Variants in BCAS3 observed in about 807,000 individuals in gnomAD.
BCAS3 encodes the protein BCAS4/BCAS3 fusion.
Under a neutral mutation model 116.1 loss-of-function variants are expected in BCAS3, and 53 were observed. The ratio of observed to expected loss-of-function variants is 0.46; its 90% CI spans 0.37 to 0.57. The LOEUF (loss-of-function observed/expected upper bound fraction) is 0.57, where lower values mean the gene tolerates loss of function less well. Ranked by LOEUF, BCAS3 falls within the 20% of genes least tolerant of loss-of-function variation. The probability of loss-of-function intolerance (pLI) is 0.00; values close to 1 mark genes in which losing one functional copy is unlikely to be tolerated. For missense variants in BCAS3, 917 were observed against 1,165.4 expected, an observed-to-expected ratio of 0.79 and a Z score of 3.10; for synonymous variants, 391 against 408.2, an observed-to-expected ratio of 0.96 and a Z score of 0.51.
chr17:61,118,631 G>C lies in BCAS3; in HGVS notation c.2425+34067G>C, dbSNP rs1306105812. ...TGGCCTTTCCCACTGTGGGTGGTGGGGGTGCTGCAAGTTTTTGTGTGGCGT... is the reference window on the plus strand; with the variant it reads ...TGGCCTTTCCCACTGTGGGTGGTGGCGGTGCTGCAAGTTTTTGTGTGGCGT... On this transcript the variant is annotated intron_variant, in intron 22 of 23. Coordinates refer to ENST00000407086, the MANE Select transcript of BCAS3 (RefSeq NM_017679.5). This position sits in a 1 kb window ranked among gnomAD's most constrained non-coding sequence, Gnocchi z 5.0. Among the ~76,000 whole-genome samples the C allele has an allele frequency of 2.6e-5, 4 of 152,140 alleles. No individual in the cohort carries two copies. Among genetic ancestry groups the C allele is most frequent in the Non-Finnish European group, 5.9e-5 (4 of 68,034 alleles).
intron 7 of BCAS3, among the ~76,000 whole-genome samples, chr17:60,813,651 T>C (rs1387348659): frequency 6.6e-6 from 1 of 152,234 alleles, no homozygotes; most frequent in African/African-American, 2.4e-5. Flanking sequence ...TCTTTTGCTG[T>C]GCAGAAGCTC....
chr17:61,161,457 C>T lies in BCAS3; in HGVS notation c.2425+76893C>T, dbSNP rs936402222. Among the ~76,000 whole-genome samples, 2 of 152,114 alleles carry T rather than the reference C, an allele frequency of 1.3e-5. No individual in the cohort carries two copies. The highest frequency in any genetic ancestry group is 6.5e-5 in the Admixed American group (1 of 15,282). ...CCAATTTCATTACCACAGAGCATAG[C>T]GTTTTCAAATTTATTCTTTAAAAGA... On this transcript the variant is annotated intron_variant, in intron 22 of 23. Transcript: ENST00000407086. This position sits in a 1 kb window ranked among gnomAD's most constrained non-coding sequence, Gnocchi z 4.8.
intron 10 of BCAS3, among the ~76,000 whole-genome samples, chr17:60,893,657 G>A (rs2057327566): frequency 7.0e-6 from 1 of 143,096 alleles, no homozygotes; most frequent in Admixed American, 7.3e-5. Context: ...TGCCAAGGGT[G>A]GAGTGCAGTG....
rs958194745 is a variant in BCAS3 at position 61,104,338 on chromosome 17, T to A, written c.2425+19774T>A. Among the ~76,000 whole-genome samples, 1 of 152,148 alleles carries A rather than the reference T, an allele frequency of 6.6e-6. No individual in the cohort carries two copies. Among genetic ancestry groups the A allele is most frequent in the Non-Finnish European group, 1.5e-5 (1 of 68,022 alleles). On this transcript the variant is annotated intron_variant, in intron 22 of 23. Transcript: ENST00000407086. This position sits in a 1 kb window ranked among gnomAD's most constrained non-coding sequence, Gnocchi z 4.1. ...TCTGCTTTTATTTTTTAAAAACTTT[T>A]TAAAAAAAGTTTTTCATATAACTTT...
At chr17:61,120,412 T>A in intron 22 of BCAS3, among the ~76,000 whole-genome samples, 1 of 152,114 alleles carries the variant, frequency 6.6e-6, no homozygotes, top group Admixed American at 6.5e-5. Context: ...TCCTTTCCCT[T>A]AAAACACCTC....
chr17:61,174,580 C>T (rs2079031775), intron 22 of BCAS3, among the ~76,000 whole-genome samples: 1 of 152,122 alleles, frequency 6.6e-6, no homozygotes, highest in Non-Finnish European at 1.5e-5. Flanking sequence ...TGGTTGATTC[C>T]ATAACTTGGC....
rs2061148390 is a variant in BCAS3, at chr17:60,956,640, G to T, written c.1221+9288G>T. Among the ~76,000 whole-genome samples, 1 of 152,144 alleles carries T rather than the reference G, an allele frequency of 6.6e-6. No individual in the cohort carries two copies. The highest frequency in any genetic ancestry group is 1.5e-5 in the Non-Finnish European group (1 of 68,024). Reference sequence around the variant, plus strand: ...ATAGAATGGAGCCTTGCATATTGTAGTGCAAATGTTTGCTAATGCCAGTGA... The same window carrying T: ...ATAGAATGGAGCCTTGCATATTGTATTGCAAATGTTTGCTAATGCCAGTGA... On this transcript the variant is annotated intron_variant, in intron 14 of 23. Transcript: ENST00000407086. The surrounding 1 kb of genome is among the most constrained non-coding windows in gnomAD (Gnocchi z 4.2).
rs144598579 is a variant in BCAS3, at chr17:61,146,976, G to A, written c.2425+62412G>A. 1.4e-3 allele frequency among the ~76,000 whole-genome samples: 210 copies of A among 152,040 alleles called. 3 individuals carry two copies. Among genetic ancestry groups the A allele is most frequent in the African/African-American group, 4.9e-3 (203 of 41,472 alleles). ...ATTGCCCAGGCTGGAGTGCAGTGGC[G>A]TGATCATGGCTTACTGCAGCCTCGA... On this transcript the variant is annotated intron_variant, in intron 22 of 23. Coordinates refer to ENST00000407086, the MANE Select transcript of BCAS3 (RefSeq NM_017679.5).
At position 61,087,215 on chromosome 17, in the gene BCAS3, T is replaced by C; in HGVS notation, c.2425+2651T>C. 1.0e-6 allele frequency: 1 copy of C among 985,596 alleles called. No individual in the cohort carries two copies. The highest frequency in any genetic ancestry group is 1.2e-6 in the Non-Finnish European group (1 of 829,944). 61.1% of individuals were successfully genotyped at this position (985,596 alleles called of 1,614,324 possible). A position where few individuals can be genotyped will look rare whatever the true frequency, so the allele number is the denominator to read the frequency against. ...TCAGGAAGTTGCTTATCTGGAGGTT[T>C]CATTGCCTGTTACTTGGAGATACGA... On this transcript the variant is annotated intron_variant, in intron 22 of 23. Coordinates refer to ENST00000407086, the MANE Select transcript of BCAS3 (RefSeq NM_017679.5). This position sits in a 1 kb window ranked among gnomAD's most constrained non-coding sequence, Gnocchi z 4.6.
At chr17:61,044,315 C>T (rs1254980362) in intron 19 of BCAS3, among the ~76,000 whole-genome samples, 2 of 151,180 alleles carry the variant, frequency 1.3e-5, no homozygotes, top group Admixed American at 1.3e-4. Flanking sequence ...GGCGTGGTGG[C>T]GGGCGCCTGT....
intron 22 of BCAS3, among the ~76,000 whole-genome samples, chr17:61,191,750 G>A (rs888423963): frequency 9.1e-5 from 13 of 143,158 alleles, no homozygotes; most frequent in African/African-American, 3.7e-4. Context: ...ACTCCAGCCT[G>A]GGCAACAGAG....
At chr17:60,806,078 T>C (rs1178377682) in intron 6 of BCAS3, among the ~76,000 whole-genome samples, 1 of 151,976 alleles carries the variant, frequency 6.6e-6, no homozygotes, top group Admixed American at 6.6e-5. Flanking sequence ...GGTTTCACCA[T>C]GTTGGCCAGG....
At chr17:61,057,171 A>G (rs1374034629) in intron 19 of BCAS3, among the ~76,000 whole-genome samples, 2 of 152,186 alleles carry the variant, frequency 1.3e-5, no homozygotes, top group African/African-American at 4.8e-5. Context: ...CCATCTTTTA[A>G]ATAATAAAAA....
chr17:61,036,125 A>G (rs2067010214), intron 17 of BCAS3: 3 of 152,158 alleles, frequency 2.0e-5, no homozygotes, highest in South Asian at 4.1e-4. Context: ...TTTAGAAGAG[A>G]ATGCCTACGT....
At chr17:60,794,657 G>A (rs1439392644) in intron 6 of BCAS3, among the ~76,000 whole-genome samples, 1 of 152,138 alleles carries the variant, frequency 6.6e-6, no homozygotes, top group South Asian at 2.1e-4. Flanking sequence ...TTGTTGAAAA[G>A]GGTGTCCTTT....
intron 5 of BCAS3, among the ~76,000 whole-genome samples, chr17:60,734,859 A>C (rs1348595943): frequency 1.3e-5 from 2 of 152,208 alleles, no homozygotes; most frequent in East Asian, 3.8e-4. Flanking sequence ...ATAGCTACAG[A>C]ATAACTTGCT....
chr17:60,726,354 C>T (rs893863983), intron 5 of BCAS3, among the ~76,000 whole-genome samples: 27 of 148,870 alleles, frequency 1.8e-4, no homozygotes, highest in African/African-American at 6.5e-4. Context: ...GCATGCACCA[C>T]CACTCTTGGC....
chr17:61,078,206 T>C lies in BCAS3; in HGVS notation c.2131-127T>C. 10 of 682,556 alleles carry C rather than the reference T, an allele frequency of 1.5e-5. 1 individual carries two copies. In the South Asian group the frequency reaches 2.0e-4, roughly 13 times the overall value. 42.3% of individuals were successfully genotyped at this position (682,556 alleles called of 1,614,324 possible). On this transcript the variant is annotated intron_variant, in intron 20 of 23. Transcript: ENST00000407086. ...CATCACCTTTTAATTATGGGTGTCC[T>C]ATCCCTTTGCCACTTTAACATGGGC...
chr17:61,063,206 C>T lies in BCAS3; in HGVS notation c.2030-11714C>T, dbSNP rs1022943009. On this transcript the variant is annotated intron_variant, in intron 19 of 23. Transcript: ENST00000407086. This position sits in a 1 kb window ranked among gnomAD's most constrained non-coding sequence, Gnocchi z 5.3. ...GGTAGCCATTGCTTTGATTGTGCTT[C>T]GTCTCTTGGATCCTACTATAACAGT... Among the ~76,000 whole-genome samples the T allele has an allele frequency of 2.2e-4, 34 of 152,044 alleles. No homozygotes were observed. Among genetic ancestry groups the T allele is most frequent in the Non-Finnish European group, 2.9e-4 (20 of 68,008 alleles).
Sources: gnomAD v4.1 joint callset for allele counts (sites outside exome capture counted in the v4.1 genomes callset) on GRCh38, gnomAD v4.1.1 for gene constraint, Gnocchi (gnomAD v3.1) non-coding constraint, MANE v1.5 for transcripts, NCBI Gene and HGNC (gene_info 2026-07-23, HGNC 2026-07-21) for gene names.